The following MYO9A variants were observed in gnomAD, a reference collection of about 807,000 sequenced individuals.
MYO9A encodes the protein myosin IXA.
MYO9A carries 103 observed loss-of-function variants against 293.3 expected under a neutral mutation model. The observed-to-expected ratio is 0.35, with a 90% CI of 0.30 to 0.41. The LOEUF is 0.41. MYO9A is among the 10% of genes least tolerant of loss of function. The pLI is 1.00. For missense variants in MYO9A, 2,685 were observed against 3,033.0 expected, an observed-to-expected ratio of 0.89 and a Z score of 2.69; for synonymous variants, 1,001 against 1,035.7, an observed-to-expected ratio of 0.97 and a Z score of 0.64.
intron 18 of MYO9A, among the ~76,000 whole-genome samples, chr15:71,917,986 A>C (rs1027581091): frequency 6.6e-6 from 1 of 152,160 alleles, no homozygotes; most frequent in Non-Finnish European, 1.5e-5. Context: ...TAAAAAAAAA[A>C]CTTTTAAAAA....
At chr15:71,915,177 T>C (rs4777470) in intron 19 of MYO9A, among the ~76,000 whole-genome samples, 3 of 151,808 alleles carry the variant, frequency 2.0e-5, no homozygotes, top group African/African-American at 7.3e-5. Context: ...CTATAACCCA[T>C]TAATCTTTGC....
intron 20 of MYO9A, among the ~76,000 whole-genome samples, chr15:71,904,667 A>AACAAAG (rs2057579656): frequency 6.6e-6 from 1 of 152,102 alleles, no homozygotes; most frequent in South Asian, 2.1e-4. Context: ...CAAAAACAAA[A>AACAAAG]ACAAAAAAGA....
chr15:72,041,626 C>T lies in MYO9A; in HGVS notation c.840+4098G>A, dbSNP rs752991239. 6 of 245,044 alleles carry T rather than the reference C, an allele frequency of 2.4e-5. 1 individual carries two copies. Among genetic ancestry groups the T allele is most frequent in the Non-Finnish European group, 4.9e-5 (6 of 121,782 alleles). The allele number at this position is 245,044 out of a possible 1,614,324, so 15.2% of individuals were successfully genotyped here. ...TGAGTGCTGGAAGCCCCAGCATCTC[C>T]AGTAGTTAAATCAATTTCGTACACC... is the stretch of plus-strand genomic sequence containing the variant. On this transcript the variant is annotated intron_variant, in intron 2 of 41. Coordinates refer to ENST00000356056, the MANE Select transcript of MYO9A (RefSeq NM_006901.4).
intron 1 of MYO9A, among the ~76,000 whole-genome samples, chr15:72,112,369 A>G (rs1033299303): frequency 2.0e-5 from 3 of 152,214 alleles, no homozygotes; most frequent in African/African-American, 7.2e-5. Flanking sequence ...CATAATTCAC[A>G]TTAAAACCCA....
chr15:71,902,389 T>C (rs2057511055), intron 22 of MYO9A, among the ~76,000 whole-genome samples: 1 of 151,894 alleles, frequency 6.6e-6, no homozygotes, highest in Non-Finnish European at 1.5e-5. Context: ...TTAAATGGAA[T>C]GACAAATATA....
At chr15:71,868,576 G>A (rs1477963395) in intron 32 of MYO9A, among the ~76,000 whole-genome samples, 1 of 152,148 alleles carries the variant, frequency 6.6e-6, no homozygotes, top group Non-Finnish European at 1.5e-5. Context: ...ATAACCAGGT[G>A]ACAAGAACCT....
Position 71,826,006 on chromosome 15 carries a change from T to C in MYO9A, c.*574A>G, listed in dbSNP as rs4777463. ...CACGGTTTTTTTTTGTTTTTTTTTTTTTGTTTTTTTTTTTTGTTTTTGCTT... is the reference window on the plus strand; with the variant it reads ...CACGGTTTTTTTTTGTTTTTTTTTTCTTGTTTTTTTTTTTTGTTTTTGCTT... On this transcript the variant is annotated 3_prime_UTR_variant, in exon 42 of 42. Coordinates refer to ENST00000356056, the MANE Select transcript of MYO9A (RefSeq NM_006901.4). The C allele has an allele frequency of 9.5e-6, 1 of 105,386 alleles. No individual in the cohort carries two copies. Among genetic ancestry groups the C allele is most frequent in the East Asian group, 4.2e-4 (1 of 2,370 alleles). 6.5% of individuals were successfully genotyped at this position (105,386 alleles called of 1,614,324 possible). A position where few individuals can be genotyped will look rare whatever the true frequency, so the allele number is the denominator to read the frequency against.
intron 12 of MYO9A, among the ~76,000 whole-genome samples, chr15:71,972,002 A>C (rs2076024847): frequency 6.6e-6 from 1 of 152,168 alleles, no homozygotes; most frequent in East Asian, 1.9e-4. Context: ...TGCCGGTTAA[A>C]AGACCCTCAT....
intron 1 of MYO9A, among the ~76,000 whole-genome samples, chr15:72,080,871 T>C (rs779029240): frequency 1.1e-4 from 17 of 152,160 alleles, no homozygotes; most frequent in Non-Finnish European, 1.3e-4. Context: ...GCTTCATCCA[T>C]GTTCCTGCAA....
intron 1 of MYO9A, among the ~76,000 whole-genome samples, chr15:72,069,510 T>C (rs181725716): frequency 4.6e-4 from 70 of 152,300 alleles, no homozygotes; most frequent in African/African-American, 1.5e-3. Flanking sequence ...CAGAGGGTTA[T>C]ACTTCACAAT....
At chr15:72,114,384 G>C (rs1215169086) in intron 1 of MYO9A, 2 of 152,202 alleles carry the variant, frequency 1.3e-5, no homozygotes, top group Non-Finnish European at 2.9e-5. Flanking sequence ...AAATAAGATA[G>C]AGGCAACAAA....
rs2054476214 is a variant in MYO9A, at chr15:71,826,003, T to TTTTG, written c.*576_*577insCAAA. On this transcript the variant is annotated 3_prime_UTR_variant, in exon 42 of 42. Coordinates refer to ENST00000356056, the MANE Select transcript of MYO9A (RefSeq NM_006901.4). ...AATCACGGTTTTTTTTTGTTTTTTT[T>TTTTG]TTTTTGTTTTTTTTTTTTGTTTTTG... The TTTTG allele has an allele frequency of 7.3e-6, 1 of 136,748 alleles. No homozygotes were observed. The allele number at this position is 136,748 out of a possible 1,614,324, so 8.5% of individuals were successfully genotyped here.
intron 18 of MYO9A, among the ~76,000 whole-genome samples, chr15:71,923,655 G>A (rs1420880593): frequency 2.0e-5 from 3 of 152,210 alleles, no homozygotes; most frequent in Non-Finnish European, 2.9e-5. Flanking sequence ...ATAGTTGTTA[G>A]TAATAGGCTC....
intron 32 of MYO9A, among the ~76,000 whole-genome samples, chr15:71,869,131 T>C (rs1596069696): frequency 6.6e-6 from 1 of 152,252 alleles, no homozygotes; most frequent in East Asian, 1.9e-4. Flanking sequence ...CATCAAGTAA[T>C]AACAAAACTA....
intron 1 of MYO9A, among the ~76,000 whole-genome samples, chr15:72,061,110 C>A (rs1036435807): frequency 4.6e-5 from 7 of 152,144 alleles, no homozygotes; most frequent in African/African-American, 1.7e-4. Flanking sequence ...AAGGAAAGAC[C>A]CAGTCCTGGC....
At chr15:71,958,441 A>G (rs1393165647) in intron 14 of MYO9A, 3 of 152,204 alleles carry the variant, frequency 2.0e-5, no homozygotes, top group African/African-American at 7.2e-5. Flanking sequence ...ATATTGTAAT[A>G]TAAACAATTA....
chr15:71,995,223 T>A (rs948235701), intron 9 of MYO9A, among the ~76,000 whole-genome samples: 5 of 152,210 alleles, frequency 3.3e-5, no homozygotes, highest in Non-Finnish European at 7.3e-5. Context: ...CTTTGCCAGT[T>A]ACAGTAGGTA....
chr15:71,856,044 C>T (rs956540442), intron 34 of MYO9A, among the ~76,000 whole-genome samples: 1 of 152,166 alleles, frequency 6.6e-6, no homozygotes, highest in Non-Finnish European at 1.5e-5. Flanking sequence ...GGCACAGTGG[C>T]TCACACCTGT....
chr15:72,057,790 TATC>T (rs1340755489), intron 1 of MYO9A, among the ~76,000 whole-genome samples: 3 of 152,232 alleles, frequency 2.0e-5, no homozygotes, highest in East Asian at 3.8e-4. Flanking sequence ...AGCAAAATCT[TATC>T]AACATATTTG....
Sources: gnomAD v4.1 joint callset for allele counts (sites outside exome capture counted in the v4.1 genomes callset) on GRCh38, gnomAD v4.1.1 for gene constraint, MANE v1.5 for transcripts, NCBI Gene and HGNC (gene_info 2026-07-23, HGNC 2026-07-21) for gene names.